PEA15: variants seen among roughly 807,000 people sequenced by gnomAD.
PEA15 encodes the protein astrocytic phosphoprotein PEA-15.
For missense variants in PEA15, 77 were observed against 161.3 expected (o/e 0.48, Z 2.83); for synonymous variants, 60 against 61.8 (o/e 0.97, Z 0.13).
At chr1:160,207,741 A>G (rs1279999977) in intron 1 of PEA15, among the ~76,000 whole-genome samples, 1 of 152,190 alleles carries the variant, frequency 6.6e-6, no homozygotes, top group East Asian at 1.9e-4. Context: ...ATTGAGAATG[A>G]TATTAAAGGA....
chr1:160,213,607 C>T lies in PEA15; in HGVS notation c.*121C>T. On this transcript the variant is annotated 3_prime_UTR_variant, in exon 4 of 4. Transcript: ENST00000360472. The surrounding 1 kb of genome is among the most constrained non-coding windows in gnomAD (Gnocchi z 5.3). ...CCACTTACTAACCTGGTCCTAACCC[C>T]CTTACTGTGCGCGTGTGTGTGCGTG... 1.3e-6 allele frequency: 1 copy of T among 786,706 alleles called. No homozygotes were observed. Among genetic ancestry groups the T allele is most frequent in the Non-Finnish European group, 2.1e-6 (1 of 465,954 alleles). 48.7% of individuals were successfully genotyped at this position (786,706 alleles called of 1,614,324 possible).
Position 160,208,681 on chromosome 1 carries a change from A to G in PEA15, c.-2-2862A>G, listed in dbSNP as rs1224907112. 6.5e-7 allele frequency: 1 copy of G among 1,548,172 alleles called. No individual in the cohort carries two copies. Among genetic ancestry groups the G allele is most frequent in the Non-Finnish European group, 8.7e-7 (1 of 1,144,828 alleles). ...ACCAGCCCAGGTACAACTGTTGATC[A>G]GTGAGAATTGAGAGCAGTTCCCCTA... On this transcript the variant is annotated intron_variant, in intron 1 of 3. Transcript: ENST00000360472. This position sits in a 1 kb window ranked among gnomAD's most constrained non-coding sequence, Gnocchi z 4.1.
At chr1:160,212,696 G>C (rs961175362) in intron 2 of PEA15, among the ~76,000 whole-genome samples, 3 of 147,286 alleles carry the variant, frequency 2.0e-5, no homozygotes, top group Non-Finnish European at 3.0e-5. Flanking sequence ...GGGTTGCCTA[G>C]AGATTCCACC....
At chr1:160,212,808 T>A (rs1327288576) in intron 2 of PEA15, among the ~76,000 whole-genome samples, 1 of 151,974 alleles carries the variant, frequency 6.6e-6, no homozygotes, top group African/African-American at 2.4e-5. Flanking sequence ...TCAAGTTGAT[T>A]TTTCTTTTGT....
At chr1:160,207,314 A>C (rs1160975084) in intron 1 of PEA15, 2 of 152,420 alleles carry the variant, frequency 1.3e-5, no homozygotes, top group African/African-American at 4.8e-5. Context: ...AGTAGAAAGG[A>C]AATGCATGAC....
chr1:160,209,381 CT>C (rs1654751292), intron 1 of PEA15, among the ~76,000 whole-genome samples: 1 of 152,128 alleles, frequency 6.6e-6, no homozygotes, highest in African/African-American at 2.4e-5. Context: ...ATCTTTCACT[CT>C]CTTAGAAAGC....
intron 1 of PEA15, 85 bp from the exon 2 acceptor site, chr1:160,211,458 G>C: frequency 8.4e-6 from 12 of 1,434,918 alleles, no homozygotes; most frequent in South Asian, 1.5e-5. Flanking sequence ...GGGCAGAGTG[G>C]GGAGTAGGAG....
Position 160,208,588 on chromosome 1 carries a change from C to G in PEA15, c.-2-2955C>G. 2 of 1,549,964 alleles carry G rather than the reference C, an allele frequency of 1.3e-6. No homozygotes were observed. ...ACGAGCCCTAAGGAAATCTGAATCT[C>G]TGGTGAGGAAAGTGACATGGAGGAT... On this transcript the variant is annotated intron_variant, in intron 1 of 3. Coordinates refer to ENST00000360472, the MANE Select transcript of PEA15 (RefSeq NM_003768.5). The surrounding 1 kb of genome is among the most constrained non-coding windows in gnomAD (Gnocchi z 4.1).
At chr1:160,207,740 G>T (rs1557820507) in intron 1 of PEA15, among the ~76,000 whole-genome samples, 1 of 152,152 alleles carries the variant, frequency 6.6e-6, no homozygotes, top group Non-Finnish European at 1.5e-5. Flanking sequence ...AATTGAGAAT[G>T]ATATTAAAGG....
intron 2 of PEA15, among the ~76,000 whole-genome samples, chr1:160,212,665 A>G (rs1482641084): frequency 6.6e-6 from 1 of 151,084 alleles, no homozygotes; most frequent in Non-Finnish European, 1.5e-5. Context: ...AACCTTTCTC[A>G]CCAGGCCCAG....
At chr1:160,211,520 C>T in intron 1 of PEA15, 23 bp from the exon 2 acceptor site, 1 of 1,593,790 alleles carries the variant, frequency 6.3e-7, no homozygotes, top group Non-Finnish European at 8.6e-7. Context: ...AACTCCTATC[C>T]CTTTGTCGCC....
In PEA15 at chr1:160,213,552, G is replaced by C. The variant is rs551941744; in HGVS notation, c.*66G>C. On this transcript the variant is annotated 3_prime_UTR_variant, in exon 4 of 4. Transcript: ENST00000360472. This position sits in a 1 kb window ranked among gnomAD's most constrained non-coding sequence, Gnocchi z 5.3. ...ACCACTCCCTTCCCCCATCCTCCAGGAGAGGGGGCAAGGGCAACCCACCAT... is the reference window on the plus strand; with the variant it reads ...ACCACTCCCTTCCCCCATCCTCCAGCAGAGGGGGCAAGGGCAACCCACCAT... 2.7e-6 allele frequency: 4 copies of C among 1,478,254 alleles called. No homozygotes were observed. The East Asian group carries it at 6.8e-5, about 25-fold the overall frequency. The allele number at this position is 1,478,254 out of a possible 1,614,324, so 91.6% of individuals were successfully genotyped here.
chr1:160,205,740 C>G lies in PEA15; in HGVS notation c.-3+218C>G, dbSNP rs1448506843. ...GCGGCGTGGCTCCGGCCAGCCCGTT[C>G]CACGCTGAACGGCAGTTTGGGAGTC... is the stretch of plus-strand genomic sequence containing the variant. On this transcript the variant is annotated intron_variant, in intron 1 of 3. Coordinates refer to ENST00000360472, the MANE Select transcript of PEA15 (RefSeq NM_003768.5). This position sits in a 1 kb window ranked among gnomAD's most constrained non-coding sequence, Gnocchi z 5.9. 6.6e-6 allele frequency: 1 copy of G among 152,306 alleles called. No homozygotes were observed. Among genetic ancestry groups the G allele is most frequent in the African/African-American group, 2.4e-5 (1 of 41,456 alleles). The allele number at this position is 152,306 out of a possible 1,614,324, so 9.4% of individuals were successfully genotyped here. A position where few individuals can be genotyped will look rare whatever the true frequency, so the allele number is the denominator to read the frequency against.
chr1:160,207,166 T>A (rs1039761193), intron 1 of PEA15: 9 of 152,634 alleles, frequency 5.9e-5, no homozygotes, highest in Non-Finnish European at 1.2e-4. Flanking sequence ...CAGCTCCGAA[T>A]ATTCAGATGG....
Position 160,208,668 on chromosome 1 carries a change from A to C in PEA15, c.-2-2875A>C. 1 of 1,549,816 alleles carries C rather than the reference A, an allele frequency of 6.5e-7. No individual in the cohort carries two copies. The highest frequency in any genetic ancestry group is 8.7e-7 in the Non-Finnish European group (1 of 1,146,272). On this transcript the variant is annotated intron_variant, in intron 1 of 3. Coordinates refer to ENST00000360472, the MANE Select transcript of PEA15 (RefSeq NM_003768.5). This position sits in a 1 kb window ranked among gnomAD's most constrained non-coding sequence, Gnocchi z 4.1. Reference sequence around the variant, plus strand: ...ATGGCCAGGCCAGACCAGCCCAGGTACAACTGTTGATCAGTGAGAATTGAG... The same window carrying C: ...ATGGCCAGGCCAGACCAGCCCAGGTCCAACTGTTGATCAGTGAGAATTGAG...
intron 1 of PEA15, chr1:160,207,379 G>C (rs1571060805): frequency 6.6e-6 from 1 of 152,456 alleles, no homozygotes; most frequent in East Asian, 1.9e-4. Context: ...TGCCACACCA[G>C]AAGAGTGGAA....
At chr1:160,210,094 G>A (rs1036633568) in intron 1 of PEA15, among the ~76,000 whole-genome samples, 1 of 152,208 alleles carries the variant, frequency 6.6e-6, no homozygotes, top group Non-Finnish European at 1.5e-5. Context: ...TCTGGTCCAG[G>A]TAGGGGGCTG....
In PEA15 at chr1:160,213,686, T is replaced by G; in HGVS notation, c.*200T>G. On this transcript the variant is annotated 3_prime_UTR_variant, in exon 4 of 4. Transcript: ENST00000360472. This position sits in a 1 kb window ranked among gnomAD's most constrained non-coding sequence, Gnocchi z 5.3. The stretch of plus-strand genomic sequence containing the variant: ...GTCTAGCTCATCTAGTTCCTCTTCT[T>G]AAGGGGATGGGGGTCAGGGGCTAGG... The G allele has an allele frequency of 2.7e-6, 1 of 363,682 alleles. No individual in the cohort carries two copies. Among genetic ancestry groups the G allele is most frequent in the Non-Finnish European group, 5.2e-6 (1 of 191,962 alleles). The allele number at this position is 363,682 out of a possible 1,614,324, so 22.5% of individuals were successfully genotyped here. A position where few individuals can be genotyped will look rare whatever the true frequency, so the allele number is the denominator to read the frequency against.
At position 160,213,243 on chromosome 1, in the gene PEA15, C is replaced by A; in HGVS notation, c.306C>A (p.Ile102=). The A allele has an allele frequency of 6.2e-7, 1 of 1,614,202 alleles. No individual in the cohort carries two copies. Among genetic ancestry groups the A allele is most frequent in the Non-Finnish European group, 8.5e-7 (1 of 1,180,012 alleles). ...AGCTGGACACCAAGCTAACCCGTATCCCCAGTGCCAAGAAGTACAAAGGTA... is the reference window on the plus strand; with the variant it reads ...AGCTGGACACCAAGCTAACCCGTATACCCAGTGCCAAGAAGTACAAAGGTA... ...EDELDTKLTR[I]PSAKKYKDII... is the part of the protein sequence containing the mutation. Residue 102 remains isoleucine (I), a synonymous_variant, in exon 3 of 4, where the codon ATC becomes ATA. Coordinates refer to ENST00000360472, the MANE Select transcript of PEA15 (RefSeq NM_003768.5). This position sits in a 1 kb window ranked among gnomAD's most constrained non-coding sequence, Gnocchi z 5.3.
Sources: gnomAD v4.1 joint callset for allele counts (sites outside exome capture counted in the v4.1 genomes callset) on GRCh38, gnomAD v4.1.1 for gene constraint, Gnocchi (gnomAD v3.1) non-coding constraint, MANE v1.5 for transcripts, NCBI Gene and HGNC (gene_info 2026-07-23, HGNC 2026-07-21) for gene names.